TMPRSS15: variants seen among roughly 807,000 people sequenced by gnomAD.
TMPRSS15 encodes the protein enteropeptidase.
Under a neutral mutation model 125.3 loss-of-function variants are expected in TMPRSS15, and 128 were observed. The ratio of observed to expected loss-of-function variants is 1.02; its 90% CI spans 0.89 to 1.18. The LOEUF (loss-of-function observed/expected upper bound fraction) is 1.18. Among genes scored for constraint, TMPRSS15 ranks in the 50% most tolerant of loss-of-function variants. The pLI is 0.00. For synonymous variants in TMPRSS15, 446 were observed against 423.2 expected, an observed-to-expected ratio of 1.05 and a Z score of -0.66; for missense variants, 1,283 against 1,212.7, an observed-to-expected ratio of 1.06 and a Z score of -0.86.
At chr21:18,340,650 T>A (rs2075436926) in intron 13 of TMPRSS15, among the ~76,000 whole-genome samples, 1 of 152,192 alleles carries the variant, frequency 6.6e-6, no homozygotes, top group African/African-American at 2.4e-5. Context: ...AAGTCCAGGC[T>A]TGATTAGTCA....
intron 7 of TMPRSS15, 109 bp downstream of exon 7, chr21:18,365,031 A>G: frequency 2.2e-6 from 2 of 922,280 alleles, no homozygotes; most frequent in Non-Finnish European, 1.7e-6. Flanking sequence ...TTTTTGCTTC[A>G]TAGTTAATGA....
At chr21:18,456,015 A>G (rs1978434798) in intron 1 of TMPRSS15, among the ~76,000 whole-genome samples, 1 of 152,200 alleles carries the variant, frequency 6.6e-6, no homozygotes, top group African/African-American at 2.4e-5. Context: ...AAAGTAAAAT[A>G]AATTCCGTGA....
At chr21:18,292,186 T>G (rs767312182) in intron 21 of TMPRSS15, among the ~76,000 whole-genome samples, 9 of 152,220 alleles carry the variant, frequency 5.9e-5, no homozygotes, top group Non-Finnish European at 1.3e-4. Flanking sequence ...GAATAATAAA[T>G]TTTGTCAAGG....
intron 1 of TMPRSS15, among the ~76,000 whole-genome samples, chr21:18,423,964 A>G (rs902167312): frequency 2.2e-4 from 33 of 152,308 alleles, no homozygotes; most frequent in African/African-American, 7.5e-4. Flanking sequence ...CTGAAGTATG[A>G]TCACAAAGCA....
In TMPRSS15 at chr21:18,279,311, CTTTTTTTT is replaced by C. The variant is rs71189593; in HGVS notation, c.2669-260_2669-253del. ...GTCTTTTACTAGTCTCCTCGTTACT[CTTTTTTTT>C]TTTTTTTTTTTTTTTTTTTTTTTTG... On this transcript the variant is annotated intron_variant, in intron 22 of 24. Coordinates refer to ENST00000284885, the MANE Select transcript of TMPRSS15 (RefSeq NM_002772.3). Among the ~76,000 whole-genome samples, 248 of 41,112 alleles carry C rather than the reference CTTTTTTTT, an allele frequency of 6.0e-3. 2 individuals carry two copies. The highest frequency in any genetic ancestry group is 0.017 in the African/African-American group (232 of 13,666). The allele number at this position is 41,112 out of a possible 152,430, so 27.0% of individuals were successfully genotyped here. A position where few individuals can be genotyped will look rare whatever the true frequency, so the allele number is the denominator to read the frequency against.
At position 18,383,852 on chromosome 21, in the gene TMPRSS15, T is replaced by A. The variant is rs549390928; in HGVS notation, c.345-74A>T. On this transcript the variant is annotated intron_variant, in intron 3 of 24. Coordinates refer to ENST00000284885, the MANE Select transcript of TMPRSS15 (RefSeq NM_002772.3). Reference sequence around the variant, plus strand: ...TGATTTGTGTTCAATTCATGTTAAATGTCTTTGAAATTCTCTATAGTTATC... The same window carrying A: ...TGATTTGTGTTCAATTCATGTTAAAAGTCTTTGAAATTCTCTATAGTTATC... 1.6e-5 allele frequency: 24 copies of A among 1,527,158 alleles called. No homozygotes were observed. The East Asian group carries it at 5.6e-4, about 36-fold the overall frequency. 94.6% of individuals were successfully genotyped at this position (1,527,158 alleles called of 1,614,324 possible).
At chr21:18,407,456 T>TTG (rs2076155391), upstream of TMPRSS15, among the ~76,000 whole-genome samples, 1 of 72,686 alleles carries the variant, frequency 1.4e-5, no homozygotes, top group South Asian at 6.3e-4. Context: ...TTCTTTTTTT[T>TTG]TTTTTTTTTT....
intron 17 of TMPRSS15, among the ~76,000 whole-genome samples, chr21:18,313,788 A>G (rs978703476): frequency 6.6e-6 from 1 of 152,068 alleles, no homozygotes; most frequent in Non-Finnish European, 1.5e-5. Context: ...AAATAAACAG[A>G]AAATAAAGTT....
intron 1 of TMPRSS15, among the ~76,000 whole-genome samples, chr21:18,468,304 A>G (rs1978707039): frequency 6.6e-6 from 1 of 152,174 alleles, no homozygotes; most frequent in East Asian, 1.9e-4. Context: ...CCACTACAGC[A>G]TCACACTGGC....
chr21:18,449,623 T>C (rs1007252720), intron 1 of TMPRSS15, among the ~76,000 whole-genome samples: 2 of 152,114 alleles, frequency 1.3e-5, no homozygotes, highest in Admixed American at 1.3e-4. Flanking sequence ...ATGAGCTAAA[T>C]CATGTACAGT....
intron 1 of TMPRSS15, among the ~76,000 whole-genome samples, chr21:18,462,747 C>T (rs2122953400): frequency 2.0e-5 from 3 of 151,622 alleles, no homozygotes; most frequent in East Asian, 1.9e-4. Context: ...AAGAAAATCA[C>T]GCATTTAAGA....
At chr21:18,321,941 C>T (rs982948608) in intron 16 of TMPRSS15, among the ~76,000 whole-genome samples, 2 of 152,154 alleles carry the variant, frequency 1.3e-5, no homozygotes, top group African/African-American at 4.8e-5. Flanking sequence ...CAGTGATGGG[C>T]ATTGAAGACT....
intron 21 of TMPRSS15, among the ~76,000 whole-genome samples, chr21:18,286,316 T>A (rs913418179): frequency 6.6e-6 from 1 of 152,216 alleles, no homozygotes; most frequent in African/African-American, 2.4e-5. Flanking sequence ...AAGTCATTAT[T>A]TTAAATACCT....
chr21:18,344,245 T>C (rs1426554398), intron 10 of TMPRSS15, among the ~76,000 whole-genome samples, 185 bp from the exon 11 acceptor site: 1 of 152,174 alleles, frequency 6.6e-6, no homozygotes, highest in Non-Finnish European at 1.5e-5. Context: ...CAGATTGTTA[T>C]TGACAAAAAT....
chr21:18,456,792 C>A (rs1289643453), intron 1 of TMPRSS15, among the ~76,000 whole-genome samples: 1 of 152,054 alleles, frequency 6.6e-6, no homozygotes, highest in African/African-American at 2.4e-5. Flanking sequence ...TACATATGTT[C>A]AAACTCAATA....
At chr21:18,428,974 TG>T (rs1376342191) in intron 1 of TMPRSS15, among the ~76,000 whole-genome samples, 3 of 152,144 alleles carry the variant, frequency 2.0e-5, no homozygotes, top group Non-Finnish European at 4.4e-5. Context: ...TGAAAGCAGC[TG>T]GGAGGGAGGC....
chr21:18,274,013 A>G (rs780687634), intron 24 of TMPRSS15, among the ~76,000 whole-genome samples: 10 of 152,224 alleles, frequency 6.6e-5, no homozygotes, highest in Non-Finnish European at 1.5e-4. Context: ...CTACACTTTA[A>G]CACAGTGAAA....
chr21:18,369,652 AAGAG>A (rs149977840), intron 6 of TMPRSS15, among the ~76,000 whole-genome samples: 18 of 151,218 alleles, frequency 1.2e-4, no homozygotes, highest in African/African-American at 3.6e-4. Context: ...ATAAATCAAT[AAGAG>A]AGAGAGAGAG....
chr21:18,388,242 A>G (rs946575230), intron 3 of TMPRSS15, among the ~76,000 whole-genome samples: 3 of 152,152 alleles, frequency 2.0e-5, no homozygotes, highest in Admixed American at 1.3e-4. Context: ...CAGTCATTAT[A>G]AAATATTTGT....
Sources: gnomAD v4.1 joint callset for allele counts (sites outside exome capture counted in the v4.1 genomes callset) on GRCh38, gnomAD v4.1.1 for gene constraint, MANE v1.5 for transcripts, NCBI Gene and HGNC (gene_info 2026-07-23, HGNC 2026-07-21) for gene names.